CFAP46: variants seen among roughly 807,000 people sequenced by gnomAD.
CFAP46 encodes cilia and flagella associated protein 46, also known as cilia- and flagella-associated protein 46.
In CFAP46, 245 loss-of-function variants were observed where a neutral mutation model predicts 325.7. The ratio of observed to expected loss-of-function variants is 0.75; its 90% CI spans 0.68 to 0.84. CFAP46 has a LOEUF of 0.84. CFAP46 is among the 40% of genes least tolerant of loss of function. The pLI is 0.00. For synonymous variants in CFAP46, 1,523 were observed against 1,495.9 expected (o/e 1.02, Z -0.42); for missense variants, 3,346 against 3,543.0 (o/e 0.94, Z 1.41).
chr10:132,923,246 G>A (rs1421860302), intron 11 of CFAP46, among the ~76,000 whole-genome samples: 5 of 148,750 alleles, frequency 3.4e-5, no homozygotes, highest in African/African-American at 1.0e-4. Context: ...AGCCATGTGG[G>A]GGTGCCCTGG....
intron 19 of CFAP46, among the ~76,000 whole-genome samples, chr10:132,911,249 C>A (rs1849536802): frequency 6.6e-6 from 1 of 152,264 alleles, no homozygotes; most frequent in African/African-American, 2.4e-5. Flanking sequence ...CCGGCCCACA[C>A]TGACTGCCCA....
intron 2 of CFAP46, 127 bp from the exon 3 acceptor site, chr10:132,941,849 C>T: frequency 4.0e-6 from 6 of 1,516,534 alleles, no homozygotes; most frequent in Non-Finnish European, 5.3e-6. Flanking sequence ...GCCCCATCCT[C>T]CATCCTGGCC....
chr10:132,840,834 C>G (rs2135058013), intron 44 of CFAP46, among the ~76,000 whole-genome samples: 1 of 152,286 alleles, frequency 6.6e-6, no homozygotes, highest in South Asian at 2.1e-4. Flanking sequence ...GGGATCTCTG[C>G]TGTGGCTGTG....
chr10:132,876,263 G>A lies in CFAP46; in HGVS notation c.4362+549C>T, dbSNP rs1378976713. Among the ~76,000 whole-genome samples, 1 of 152,274 alleles carries A rather than the reference G, an allele frequency of 6.6e-6. No individual in the cohort carries two copies. The highest frequency in any genetic ancestry group is 2.4e-5 in the African/African-American group (1 of 41,466). ...GGCAGTGAACTGAATGACCACTATG[G>A]AGGGCAGCATGGCAGCGTGGCACCA... On this transcript the variant is annotated intron_variant, in intron 31 of 57. Coordinates refer to ENST00000368586, the MANE Select transcript of CFAP46 (RefSeq NM_001200049.3). This position sits in a 1 kb window ranked among gnomAD's most constrained non-coding sequence, Gnocchi z 4.1.
chr10:132,826,579 G>A (rs1285746030), intron 50 of CFAP46, among the ~76,000 whole-genome samples: 6 of 124,614 alleles, frequency 4.8e-5, no homozygotes, highest in South Asian at 3.1e-4. Context: ...GACCAGCCAC[G>A]GAGCCAGGGA....
intron 9 of CFAP46, among the ~76,000 whole-genome samples, chr10:132,928,502 G>C (rs899346006): frequency 1.3e-5 from 2 of 152,198 alleles, no homozygotes; most frequent in African/African-American, 4.8e-5. Flanking sequence ...CACGTGAACT[G>C]CATCTCCTAT....
In CFAP46 at chr10:132,898,054, C is replaced by T. The variant is rs570763253; in HGVS notation, c.3219+905G>A. Among the ~76,000 whole-genome samples the T allele has an allele frequency of 4.9e-4, 75 of 152,314 alleles. 2 individuals are homozygous for T. In the South Asian group the frequency reaches 0.015, roughly 31 times the overall value. On this transcript the variant is annotated intron_variant, in intron 24 of 57. Coordinates refer to ENST00000368586, the MANE Select transcript of CFAP46 (RefSeq NM_001200049.3). ...CAGCTCTGCTTCTCTTAGAAGGGCC[C>T]CGTTTTGTGGGTTCTCTGTGGCTGA...
chr10:132,892,697 T>C (rs1849270892), intron 24 of CFAP46, among the ~76,000 whole-genome samples: 1 of 152,240 alleles, frequency 6.6e-6, no homozygotes, highest in African/African-American at 2.4e-5. Context: ...AAAACCCACT[T>C]GGAACTGCCT....
At chr10:132,810,790 G>T in intron 56 of CFAP46, 160 bp downstream of exon 56, 1 of 773,414 alleles carries the variant, frequency 1.3e-6, no homozygotes, top group Non-Finnish European at 2.2e-6. Context: ...CCCATGCACA[G>T]CCACACCTCG....
intron 24 of CFAP46, chr10:132,898,720 C>T (rs1029698008): frequency 1.8e-5 from 11 of 614,722 alleles, no homozygotes; most frequent in Non-Finnish European, 3.2e-5. Flanking sequence ...GGGCTGAGAG[C>T]CCCTCGGTGC....
At chr10:132,860,679 G>A (rs1848708891) in intron 36 of CFAP46, 103 bp downstream of exon 36, 2 of 1,315,706 alleles carry the variant, frequency 1.5e-6, no homozygotes, top group Non-Finnish European at 2.1e-6. Context: ...ATCCAGGCGT[G>A]TCATCAGCGG....
chr10:132,871,072 A>C (rs2135308347), intron 32 of CFAP46, among the ~76,000 whole-genome samples: 1 of 152,336 alleles, frequency 6.6e-6, no homozygotes, highest in South Asian at 2.1e-4. Flanking sequence ...AATGATGCTC[A>C]ATCTACTCTG....
In CFAP46 at chr10:132,832,886, C is replaced by G. The variant is rs775983088; in HGVS notation, c.7117+472G>C. 2.2e-6 allele frequency: 1 copy of G among 458,860 alleles called. No homozygotes were observed. Among genetic ancestry groups the G allele is most frequent in the Admixed American group, 2.4e-5 (1 of 42,358 alleles). The allele number at this position is 458,860 out of a possible 1,614,324, so 28.4% of individuals were successfully genotyped here. On this transcript the variant is annotated intron_variant, in intron 50 of 57. Coordinates refer to ENST00000368586, the MANE Select transcript of CFAP46 (RefSeq NM_001200049.3). The surrounding 1 kb of genome is among the most constrained non-coding windows in gnomAD (Gnocchi z 4.1). ...CAGGTATTTGTGGGGGCAAGAACAG[C>G]GTTAAGTTTGTCTTCCCTGTGTGTT...
chr10:132,812,112 G>A (rs538420621), intron 55 of CFAP46, among the ~76,000 whole-genome samples: 1 of 152,342 alleles, frequency 6.6e-6, no homozygotes, highest in South Asian at 2.1e-4. Flanking sequence ...AGCCACGCCT[G>A]CCTCCTGACC....
intron 50 of CFAP46, among the ~76,000 whole-genome samples, chr10:132,824,031 C>A (rs1847967903): frequency 2.0e-5 from 2 of 100,078 alleles, no homozygotes; most frequent in African/African-American, 4.3e-5. Context: ...TGTGTGAGTG[C>A]TGATGTGTGC....
At position 132,922,104 on chromosome 10, in the gene CFAP46, C is replaced by T. The variant is rs1000372003; in HGVS notation, c.1606G>A (p.Val536Ile). 5.2e-6 allele frequency: 8 copies of T among 1,549,990 alleles called. No homozygotes were observed. In the African/African-American group the frequency reaches 1.1e-4, roughly 21 times the overall value. The part of the protein sequence containing the change: ...IVLDSENEAK[V>I]STGKNRGRFT... ...TGGGAGAGCCCAGTGCAGAGCTCACCTTTGGCCTCATTCTCACTGTCCAGC... is the reference window on the plus strand; with the variant it reads ...TGGGAGAGCCCAGTGCAGAGCTCACTTTTGGCCTCATTCTCACTGTCCAGC... Residue 536 changes from valine to isoleucine, a missense_variant and splice_region_variant, in exon 13 of 58, where the codon GTC (valine) becomes ATC (isoleucine). Physicochemically the swap from Val to Ile is conservative, Grantham distance 29. Coordinates refer to ENST00000368586, the MANE Select transcript of CFAP46 (RefSeq NM_001200049.3).
In CFAP46 at chr10:132,869,848, T is replaced by G. The variant is rs1174310540; in HGVS notation, c.4512-476A>C. Among the ~76,000 whole-genome samples, 4 of 152,202 alleles carry G rather than the reference T, an allele frequency of 2.6e-5. No individual in the cohort carries two copies. The highest frequency in any genetic ancestry group is 4.8e-5 in the African/African-American group (2 of 41,458). On this transcript the variant is annotated intron_variant, in intron 32 of 57. Coordinates refer to ENST00000368586, the MANE Select transcript of CFAP46 (RefSeq NM_001200049.3). The surrounding 1 kb of genome is among the most constrained non-coding windows in gnomAD (Gnocchi z 6.2). ...TCCTCTCCCGTGCCCGCCCCTGGGA[T>G]ATCTGAGCAAGCTGAGGATGCAACT...
rs1349547636 is a variant in CFAP46, at chr10:132,828,756, G to A, written c.7117+4602C>T. Among the ~76,000 whole-genome samples the A allele has an allele frequency of 1.3e-5, 2 of 152,156 alleles. No homozygotes were observed. Among genetic ancestry groups the A allele is most frequent in the Non-Finnish European group, 1.5e-5 (1 of 68,040 alleles). On this transcript the variant is annotated intron_variant, in intron 50 of 57. Coordinates refer to ENST00000368586, the MANE Select transcript of CFAP46 (RefSeq NM_001200049.3). This position sits in a 1 kb window ranked among gnomAD's most constrained non-coding sequence, Gnocchi z 4.9. ...GGATCCATTTCGAGCTGATTTTCCT[G>A]CGTGGCGTGCGGCCTCGTTTTTGTT...
Position 132,814,615 on chromosome 10 carries a change from G to C in CFAP46, c.7250-3C>G, listed in dbSNP as rs1259833550. On this transcript the variant is annotated splice_polypyrimidine_tract_variant and splice_region_variant and intron_variant, in intron 52 of 57. Coordinates refer to ENST00000368586, the MANE Select transcript of CFAP46 (RefSeq NM_001200049.3). ...CTCCTCGTATGGGTCCACGACGACT[G>C]GGTCCCGGTCAAGGAGAAACGGGAG... 1.3e-6 allele frequency: 2 copies of C among 1,576,928 alleles called. No individual in the cohort carries two copies. The highest frequency in any genetic ancestry group is 1.7e-6 in the Non-Finnish European group (2 of 1,161,804).
Sources: allele counts gnomAD v4.1 joint callset (sites outside exome capture counted in the v4.1 genomes callset), GRCh38; gene constraint gnomAD v4.1.1; non-coding constraint Gnocchi (gnomAD v3.1); transcripts MANE v1.5; gene names NCBI Gene and HGNC (gene_info 2026-07-23, HGNC 2026-07-21).